Variants in PATJ observed in about 807,000 individuals in gnomAD.
The protein encoded by PATJ is PATJ crumbs cell polarity complex component.
In PATJ, 190 loss-of-function variants were observed where a neutral mutation model predicts 224.9. The observed-to-expected ratio is 0.84, with a 90% confidence interval of 0.75 to 0.95. The LOEUF (loss-of-function observed/expected upper bound fraction) is 0.95. Ranked by LOEUF, PATJ falls within the 40% of genes least tolerant of loss-of-function variation. PATJ has a pLI of 0.00. For missense variants in PATJ, 2,121 were observed against 2,270.3 expected, an observed-to-expected ratio of 0.93 and a Z score of 1.34; for synonymous variants, 769 against 820.3, an observed-to-expected ratio of 0.94 and a Z score of 1.07.
chr1:61,985,109 C>T (rs975235306), intron 27 of PATJ, among the ~76,000 whole-genome samples: 2 of 152,038 alleles, frequency 1.3e-5, no homozygotes, highest in African/African-American at 2.4e-5. Context: ...GTCAAGAGAT[C>T]AAGACCATCT....
At chr1:61,980,276 C>T (rs1428324513) in intron 27 of PATJ, among the ~76,000 whole-genome samples, 2 of 151,810 alleles carry the variant, frequency 1.3e-5, no homozygotes, top group Admixed American at 6.6e-5. Flanking sequence ...CAGAATGAGA[C>T]CCTGTGTCAA....
chr1:61,773,904 A>G (rs1646764965), intron 6 of PATJ, among the ~76,000 whole-genome samples: 1 of 151,974 alleles, frequency 6.6e-6, no homozygotes, highest in Non-Finnish European at 1.5e-5. Flanking sequence ...GCGGATCATG[A>G]GGTCAGGAGA....
In PATJ at chr1:61,919,691, GTTTGTT is replaced by G. The variant is rs1163896643; in HGVS notation, c.3570+5042_3570+5047del. Reference sequence around the variant, plus strand: ...GGTACTAAGGGTTTTTTGTTTGTTTGTTTGTTTTTGTTTTTGTTTTAGGCTCCAATG... The same window carrying G: ...GGTACTAAGGGTTTTTTGTTTGTTTGTTTGTTTTTGTTTTAGGCTCCAATG... On this transcript the variant is annotated intron_variant, in intron 26 of 43. Coordinates refer to ENST00000642238, the MANE Select transcript of PATJ (RefSeq NM_001350145.3). Among the ~76,000 whole-genome samples, 7 of 151,880 alleles carry G rather than the reference GTTTGTT, an allele frequency of 4.6e-5. No homozygotes were observed. The East Asian group carries it at 1.4e-3, about 29-fold the overall frequency.
At chr1:61,987,375 G>T (rs976337376) in intron 27 of PATJ, among the ~76,000 whole-genome samples, 17 of 151,730 alleles carry the variant, frequency 1.1e-4, no homozygotes, top group Admixed American at 4.6e-4. Context: ...TGAGTGTATT[G>T]TCTTGTTAAA....
rs552070001 is a variant in PATJ at position 61,964,973 on chromosome 1, G to A, written c.3671-25195G>A. 8.6e-5 allele frequency among the ~76,000 whole-genome samples: 13 copies of A among 151,294 alleles called. No individual in the cohort carries two copies. The South Asian group carries it at 1.1e-3, about 12-fold the overall frequency. ...CTAAAAATACAAAAATTAGCCGGGC[G>A]TGGTGGTGTGTGCCTGTAGCGCCAG... On this transcript the variant is annotated intron_variant, in intron 27 of 43. Coordinates refer to ENST00000642238, the MANE Select transcript of PATJ (RefSeq NM_001350145.3).
intron 14 of PATJ, chr1:61,816,496 C>A: frequency 6.6e-6 from 1 of 151,972 alleles, no homozygotes; most frequent in Non-Finnish European, 1.5e-5. Context: ...GGATGACGCA[C>A]AAATTCGTGA....
rs1658492340 is a variant in PATJ at position 61,827,551 on chromosome 1, A to T, written c.1948A>T (p.Arg650Trp). 1 of 1,613,994 alleles carries T rather than the reference A, an allele frequency of 6.2e-7. No homozygotes were observed. Among genetic ancestry groups the T allele is most frequent in the African/African-American group, 1.3e-5 (1 of 75,024 alleles). The change falls in exon 16 of 44, where the codon AGG (arginine) becomes TGG (tryptophan). Residue 650 changes from arginine to tryptophan, a missense_variant. Arg to Trp is a moderately radical substitution (Grantham distance 101). Transcript: ENST00000642238. Reference sequence around the variant, plus strand: ...TGATGAAGCTTCTGTAGATGAACCAAGGCGCACTGAAACCTCTCTTCCTGA... The same window carrying T: ...TGATGAAGCTTCTGTAGATGAACCATGGCGCACTGAAACCTCTCTTCCTGA... ...FDDEASVDEP[R>W]RTETSLPETE...
intron 27 of PATJ, among the ~76,000 whole-genome samples, chr1:61,957,001 T>C (rs2149406220): frequency 6.6e-6 from 1 of 152,314 alleles, no homozygotes; most frequent in Admixed American, 6.5e-5. Flanking sequence ...TTTCTTTCGC[T>C]TTGCATTTAA....
chr1:62,107,118 A>G (rs1280970670), intron 33 of PATJ, among the ~76,000 whole-genome samples: 1 of 152,050 alleles, frequency 6.6e-6, no homozygotes, highest in Admixed American at 6.5e-5. Flanking sequence ...CATCCTGGCT[A>G]ACACGGTGAA....
rs1181811837 is a variant in PATJ, at chr1:62,161,073, A to C, written c.*19A>C. 1 of 1,421,286 alleles carries C rather than the reference A, an allele frequency of 7.0e-7. No individual in the cohort carries two copies. The highest frequency in any genetic ancestry group is 1.4e-5 in the African/African-American group (1 of 70,318). The allele number at this position is 1,421,286 out of a possible 1,614,324, so 88.0% of individuals were successfully genotyped here. On this transcript the variant is annotated 3_prime_UTR_variant, in exon 44 of 44. Transcript: ENST00000642238. ...GTCATGAGCCTCGGGCCTGATCACA[A>C]GATAGATGTTGTTGTTTAGAATATC...
At chr1:62,092,101 G>T (rs1487428796) in intron 33 of PATJ, among the ~76,000 whole-genome samples, 2 of 151,722 alleles carry the variant, frequency 1.3e-5, no homozygotes, top group Non-Finnish European at 2.9e-5. Context: ...TTCAAGGCCA[G>T]GTGCAGTGGC....
At chr1:61,946,238 G>A (rs1678682317) in intron 27 of PATJ, among the ~76,000 whole-genome samples, 2 of 152,096 alleles carry the variant, frequency 1.3e-5, no homozygotes. Context: ...GAAGGAGATA[G>A]AGACACAAAA....
At chr1:62,050,868 A>G in intron 30 of PATJ, 98 bp from the exon 31 acceptor site, 1 of 864,452 alleles carries the variant, frequency 1.2e-6, no homozygotes, top group Non-Finnish European at 1.9e-6. Flanking sequence ...TATCCACCAC[A>G]ACCATATGAT....
chr1:62,088,011 C>A (rs923688835), intron 33 of PATJ, among the ~76,000 whole-genome samples: 1 of 112,744 alleles, frequency 8.9e-6, no homozygotes, highest in African/African-American at 2.7e-5. Flanking sequence ...CCTGCCTCAG[C>A]CTCCTGAGTA....
chr1:61,816,316 C>T (rs1656097415), intron 14 of PATJ: 1 of 152,090 alleles, frequency 6.6e-6, no homozygotes, highest in Non-Finnish European at 1.5e-5. Flanking sequence ...AGCATTTTCC[C>T]CTTCCCATTT....
intron 31 of PATJ, among the ~76,000 whole-genome samples, chr1:62,075,121 T>C (rs369816156): frequency 1.3e-5 from 2 of 152,208 alleles, no homozygotes; most frequent in African/African-American, 4.8e-5. Context: ...CACCTAAACA[T>C]CTAAATTATT....
At chr1:62,157,610 C>T (rs1183249318) in intron 43 of PATJ, among the ~76,000 whole-genome samples, 4 of 148,522 alleles carry the variant, frequency 2.7e-5, no homozygotes, top group African/African-American at 9.7e-5. Context: ...GCAGGTGGAT[C>T]ACCTGAGGTC....
chr1:61,976,564 T>A (rs1381034248), intron 27 of PATJ, among the ~76,000 whole-genome samples: 1 of 151,898 alleles, frequency 6.6e-6, no homozygotes, highest in Non-Finnish European at 1.5e-5. Flanking sequence ...CCACCCATCA[T>A]GCCTGGCTAA....
At chr1:62,122,363 TAAA>T (rs58555932) in intron 38 of PATJ, among the ~76,000 whole-genome samples, 2 of 81,546 alleles carry the variant, frequency 2.5e-5, no homozygotes, top group Non-Finnish European at 2.6e-5. Flanking sequence ...AGACTCCATC[TAAA>T]AAAAAAAAAA....
Sources: gnomAD v4.1 joint callset for allele counts (sites outside exome capture counted in the v4.1 genomes callset) on GRCh38, gnomAD v4.1.1 for gene constraint, MANE v1.5 for transcripts, NCBI Gene and HGNC (gene_info 2026-07-23, HGNC 2026-07-21) for gene names.